KLHL1: variants seen among roughly 807,000 people sequenced by gnomAD.
The protein encoded by KLHL1 is kelch like family member 1.
KLHL1 carries 47 observed loss-of-function variants against 77.7 expected under a neutral mutation model. That is an observed-to-expected ratio of 0.60 (90% CI 0.48 to 0.77). The LOEUF is 0.77. Ranked by LOEUF, KLHL1 falls within the 30% of genes least tolerant of loss-of-function variation. KLHL1 has a pLI of 0.00. For synonymous variants in KLHL1, 360 were observed against 325.2 expected, an observed-to-expected ratio of 1.11 and a Z score of -1.15; for missense variants, 925 against 910.8, an observed-to-expected ratio of 1.02 and a Z score of -0.20.
intron 1 of KLHL1, among the ~76,000 whole-genome samples, chr13:70,001,262 TA>T (rs1321599392): frequency 1.3e-5 from 2 of 151,144 alleles, no homozygotes; most frequent in African/African-American, 4.8e-5. Context: ...TGTAGTCAAA[TA>T]TTTACCTTAT....
At chr13:69,901,329 C>CT (rs763283558) in intron 4 of KLHL1, among the ~76,000 whole-genome samples, 2 of 152,108 alleles carry the variant, frequency 1.3e-5, no homozygotes, top group African/African-American at 2.4e-5. Context: ...GCACTTTAAC[C>CT]TAAGTCACCT....
intron 1 of KLHL1, among the ~76,000 whole-genome samples, chr13:70,096,957 G>T (rs1449020356): frequency 6.6e-6 from 1 of 151,906 alleles, no homozygotes; most frequent in African/African-American, 2.4e-5. Context: ...TGACTCTAAG[G>T]TGATTTGAAG....
chr13:69,951,536 T>C (rs1255840118), intron 3 of KLHL1, among the ~76,000 whole-genome samples: 2 of 151,476 alleles, frequency 1.3e-5, no homozygotes, highest in Non-Finnish European at 3.0e-5. Context: ...GAAAGAAAAA[T>C]GTTGGCAGTT....
At chr13:69,849,129 AG>A (rs925392714) in intron 5 of KLHL1, among the ~76,000 whole-genome samples, 5 of 151,452 alleles carry the variant, frequency 3.3e-5, no homozygotes, top group Non-Finnish European at 5.9e-5. Flanking sequence ...ATATTTAGTC[AG>A]TGCTTATTTT....
At chr13:69,853,917 A>G (rs1879789692) in intron 5 of KLHL1, among the ~76,000 whole-genome samples, 1 of 152,052 alleles carries the variant, frequency 6.6e-6, no homozygotes. Context: ...TAATCACTCA[A>G]CCAATATTAC....
intron 1 of KLHL1, among the ~76,000 whole-genome samples, chr13:69,978,261 G>A (rs1884604291): frequency 6.6e-6 from 1 of 151,798 alleles, no homozygotes; most frequent in Non-Finnish European, 1.5e-5. Context: ...GGATAATTAA[G>A]TCAGGATTTG....
At chr13:70,041,344 T>C (rs1886376224) in intron 1 of KLHL1, among the ~76,000 whole-genome samples, 1 of 152,174 alleles carries the variant, frequency 6.6e-6, no homozygotes, top group African/African-American at 2.4e-5. Flanking sequence ...TCTATTACAA[T>C]AGTATGGATT....
At chr13:70,007,159 G>C (rs953776243) in intron 1 of KLHL1, among the ~76,000 whole-genome samples, 1 of 151,890 alleles carries the variant, frequency 6.6e-6, no homozygotes, top group Non-Finnish European at 1.5e-5. Flanking sequence ...AACAAACCGT[G>C]ATAATACAAA....
chr13:69,940,112 A>C lies in KLHL1; in HGVS notation c.942T>G (p.Cys314Trp). Residue 314 changes from cysteine (C) to tryptophan (W), a missense_variant, in exon 4 of 11, where the codon TGT (cysteine) becomes TGG (tryptophan). Transcript: ENST00000377844. Reference sequence around the variant, plus strand: ...CATCTGCGAAGGCTCGAATTCCTAAACAGTTAGATGGATGCAAAAGCTTCA... The same window carrying C: ...CATCTGCGAAGGCTCGAATTCCTAACCAGTTAGATGGATGCAAAAGCTTCA... ...FLMKLLHPSN[C>W]LGIRAFADAQ... The C allele has an allele frequency of 6.2e-7, 1 of 1,613,064 alleles. No homozygotes were observed. The highest frequency in any genetic ancestry group is 8.5e-7 in the Non-Finnish European group (1 of 1,179,552).
At chr13:69,840,698 A>ATATATATGTATGTATG (rs976775077) in intron 5 of KLHL1, among the ~76,000 whole-genome samples, 3,630 of 146,208 alleles carry the variant, frequency 0.025, 57 homozygotes, top group Non-Finnish European at 0.035. Flanking sequence ...ATATATATAT[A>ATATATATGTATGTATG]TATGTATGTA....
intron 1 of KLHL1, among the ~76,000 whole-genome samples, chr13:70,060,206 A>G (rs185263239): frequency 6.6e-6 from 1 of 152,358 alleles, no homozygotes; most frequent in Admixed American, 6.5e-5. Context: ...CATAAGAGAA[A>G]TAATGAGACA....
chr13:69,966,662 T>C (rs1884220012), intron 2 of KLHL1, among the ~76,000 whole-genome samples: 2 of 152,186 alleles, frequency 1.3e-5, no homozygotes, highest in South Asian at 4.1e-4. Flanking sequence ...TTGTTACATG[T>C]ATAGATTGTG....
intron 3 of KLHL1, among the ~76,000 whole-genome samples, chr13:69,947,028 TTGTGTG>T (rs59606834): frequency 0.041 from 5,933 of 145,914 alleles, 157 homozygotes; most frequent in African/African-American, 0.073. Context: ...TGTGTGTGTG[TTGTGTG>T]TGTGTGTGTG....
chr13:69,712,100 T>C (rs1003421867), intron 9 of KLHL1, among the ~76,000 whole-genome samples: 17 of 152,108 alleles, frequency 1.1e-4, no homozygotes, highest in Non-Finnish European at 2.2e-4. Flanking sequence ...TGCCTATATA[T>C]TGGAAACAAC....
chr13:69,706,368 CA>C (rs1353242396), intron 10 of KLHL1, among the ~76,000 whole-genome samples: 1 of 151,784 alleles, frequency 6.6e-6, no homozygotes, highest in Non-Finnish European at 1.5e-5. Context: ...TTAGTCTAGC[CA>C]TTAGGAATTT....
intron 5 of KLHL1, among the ~76,000 whole-genome samples, chr13:69,877,021 G>C (rs1880795936): frequency 1.3e-5 from 2 of 151,656 alleles, no homozygotes; most frequent in Admixed American, 1.3e-4. Flanking sequence ...TGGGCAACAA[G>C]AGCATAACTC....
intron 4 of KLHL1, among the ~76,000 whole-genome samples, chr13:69,897,888 C>T (rs533570858): frequency 6.6e-6 from 1 of 152,308 alleles, no homozygotes; most frequent in Admixed American, 6.5e-5. Context: ...TTTATCTGTA[C>T]CATTCCCTGT....
Position 69,915,495 on chromosome 13 carries a change from C to T in KLHL1, c.1014+24545G>A, listed in dbSNP as rs372886601. Among the ~76,000 whole-genome samples the T allele has an allele frequency of 3.3e-5, 5 of 151,984 alleles. No homozygotes were observed. The South Asian group carries it at 6.2e-4, about 19-fold the overall frequency. The stretch of plus-strand genomic sequence containing the variant: ...CTGACAAAAACGAGAAATGGGGAAA[C>T]GATTCCCTATTTAATAAATGGCGCT... On this transcript the variant is annotated intron_variant, in intron 4 of 10. Coordinates refer to ENST00000377844, the MANE Select transcript of KLHL1 (RefSeq NM_020866.3).
chr13:70,051,244 T>A (rs1886622746), intron 1 of KLHL1, among the ~76,000 whole-genome samples: 1 of 152,048 alleles, frequency 6.6e-6, no homozygotes, highest in South Asian at 2.1e-4. Context: ...TCGTAATTAG[T>A]AATATCATGT....
Sources: allele counts gnomAD v4.1 joint callset (sites outside exome capture counted in the v4.1 genomes callset), GRCh38; gene constraint gnomAD v4.1.1; transcripts MANE v1.5; gene names NCBI Gene and HGNC (gene_info 2026-07-23, HGNC 2026-07-21).